The following RAB7A variants were observed in gnomAD, a reference collection of about 807,000 sequenced individuals.
The protein encoded by RAB7A is ras-related protein Rab-7a.
RAB7A carries 2 observed loss-of-function variants against 24.5 expected under a neutral mutation model. The observed-to-expected ratio is 0.08, with a 90% CI of 0.03 to 0.26. The LOEUF (loss-of-function observed/expected upper bound fraction) is 0.26. RAB7A is among the 10% of genes least tolerant of loss of function. The pLI is 1.00. For synonymous variants in RAB7A, 100 were observed against 95.9 expected (o/e 1.04, Z -0.25); for missense variants, 118 against 255.7 (o/e 0.46, Z 3.67).
chr3:128,805,292 A>C (rs1373102542), intron 3 of RAB7A, among the ~76,000 whole-genome samples: 1 of 152,194 alleles, frequency 6.6e-6, no homozygotes, highest in African/African-American at 2.4e-5. Context: ...GTATCTGGGC[A>C]AGGGAGCATT....
chr3:128,806,016 C>G (rs1933795198), intron 3 of RAB7A, among the ~76,000 whole-genome samples: 1 of 152,136 alleles, frequency 6.6e-6, no homozygotes, highest in Non-Finnish European at 1.5e-5. Flanking sequence ...ACCTCACTTC[C>G]CTATATTTCC....
At chr3:128,796,879 G>A (rs1933588483) in intron 2 of RAB7A, among the ~76,000 whole-genome samples, 1 of 152,056 alleles carries the variant, frequency 6.6e-6, no homozygotes, top group African/African-American at 2.4e-5. Context: ...GCCCAGGCTG[G>A]TCTCAAACTC....
intron 1 of RAB7A, among the ~76,000 whole-genome samples, chr3:128,737,569 C>G (rs534032690): frequency 3.3e-5 from 5 of 151,410 alleles, no homozygotes; most frequent in Admixed American, 3.3e-4. Flanking sequence ...TGGTCTCGAA[C>G]TCCTGAGCTC....
intron 3 of RAB7A, 122 bp from the exon 4 acceptor site, chr3:128,806,248 TGG>T (rs1933799723): frequency 1.3e-6 from 1 of 764,244 alleles, no homozygotes; most frequent in South Asian, 1.8e-5. Flanking sequence ...TCCTGAAGTC[TGG>T]TGTCATTTGT....
chr3:128,788,599 A>G (rs1350493591), intron 1 of RAB7A, among the ~76,000 whole-genome samples: 1 of 152,162 alleles, frequency 6.6e-6, no homozygotes, highest in African/African-American at 2.4e-5. Flanking sequence ...GGGTACTACT[A>G]TACTTTGCTT....
At chr3:128,765,139 G>A (rs1319917751) in intron 1 of RAB7A, 2 of 705,306 alleles carry the variant, frequency 2.8e-6, no homozygotes, top group East Asian at 2.7e-5. Flanking sequence ...GCGGCCGGCC[G>A]GGGTGGGGGA....
chr3:128,751,733 G>T (rs1443113967), intron 1 of RAB7A, among the ~76,000 whole-genome samples: 1 of 152,184 alleles, frequency 6.6e-6, no homozygotes, highest in Non-Finnish European at 1.5e-5. Flanking sequence ...GTTTTGAAAT[G>T]TGAGGACATT....
intron 1 of RAB7A, among the ~76,000 whole-genome samples, chr3:128,780,430 G>A (rs763979348): frequency 6.6e-6 from 1 of 152,168 alleles, no homozygotes; most frequent in Non-Finnish European, 1.5e-5. Context: ...GTTGAATATA[G>A]CCACTGAGGT....
chr3:128,756,294 G>A (rs779091790), intron 1 of RAB7A, among the ~76,000 whole-genome samples: 5 of 151,908 alleles, frequency 3.3e-5, no homozygotes, highest in Non-Finnish European at 5.9e-5. Flanking sequence ...CCCAGGAGGC[G>A]GAGGTTGCAG....
At chr3:128,795,844 C>T (rs950485769) in intron 2 of RAB7A, among the ~76,000 whole-genome samples, 2 of 146,276 alleles carry the variant, frequency 1.4e-5, no homozygotes, top group Non-Finnish European at 3.0e-5. Flanking sequence ...CTCCGCCTCC[C>T]GGATTCACGC....
rs1477206488 is a variant in RAB7A, at chr3:128,759,026, T to TA, written c.-9+32668dup. On this transcript the variant is annotated intron_variant, in intron 1 of 5. Coordinates refer to ENST00000265062, the MANE Select transcript of RAB7A (RefSeq NM_004637.6). The stretch of plus-strand genomic sequence containing the variant: ...TTTTTAAGTTCAGTGATCTTCAACT[T>TA]ACAGCCCCTGTGTTTTACAAATGAG... 7.4e-5 allele frequency among the ~76,000 whole-genome samples: 11 copies of TA among 148,756 alleles called. No homozygotes were observed. In the East Asian group the frequency reaches 2.1e-3, roughly 29 times the overall value.
intron 1 of RAB7A, among the ~76,000 whole-genome samples, chr3:128,774,932 C>G (rs1046910886): frequency 7.2e-5 from 11 of 152,062 alleles, no homozygotes; most frequent in African/African-American, 2.7e-4. Flanking sequence ...AGGTGTGAGT[C>G]ACTACACCTG....
At position 128,739,319 on chromosome 3, in the gene RAB7A, C is replaced by T. The variant is rs905707371; in HGVS notation, c.-9+12960C>T. Among the ~76,000 whole-genome samples, 3 of 152,168 alleles carry T rather than the reference C, an allele frequency of 2.0e-5. No homozygotes were observed. In the East Asian group the frequency reaches 5.8e-4, roughly 29 times the overall value. ...GAGGTCAGGAGTTCAAGACCACCAG[C>T]CTGACTAACATGGTGAAACCCCGTC... On this transcript the variant is annotated intron_variant, in intron 1 of 5. Transcript: ENST00000265062.
rs571055428 is a variant in RAB7A, at chr3:128,735,486, C to G, written c.-9+9127C>G. Among the ~76,000 whole-genome samples the G allele has an allele frequency of 1.8e-4, 28 of 152,280 alleles. 1 individual carries two copies. In the East Asian group the frequency reaches 5.2e-3, roughly 28 times the overall value. ...CTCACAATTAAGTCAGATAGTACCC[C>G]AGTTATGGGTGAGGAATGGCTTTGA... On this transcript the variant is annotated intron_variant, in intron 1 of 5. Coordinates refer to ENST00000265062, the MANE Select transcript of RAB7A (RefSeq NM_004637.6).
At chr3:128,779,053 G>A (rs961794613) in intron 1 of RAB7A, among the ~76,000 whole-genome samples, 1 of 152,186 alleles carries the variant, frequency 6.6e-6, no homozygotes, top group African/African-American at 2.4e-5. Flanking sequence ...CAGAAACCAG[G>A]TGATGTTTCA....
chr3:128,777,034 G>T (rs1307648144), intron 1 of RAB7A, among the ~76,000 whole-genome samples: 1 of 151,382 alleles, frequency 6.6e-6, no homozygotes, highest in African/African-American at 2.4e-5. Context: ...GTCTTTTTAG[G>T]TCCTTTGCCC....
intron 1 of RAB7A, among the ~76,000 whole-genome samples, chr3:128,754,399 A>G (rs1352983994): frequency 3.9e-5 from 6 of 152,208 alleles, no homozygotes; most frequent in Non-Finnish European, 7.3e-5. Context: ...GGTAACCAAA[A>G]AGAAAATAAC....
chr3:128,774,436 C>G (rs1933031615), intron 1 of RAB7A, among the ~76,000 whole-genome samples: 1 of 151,212 alleles, frequency 6.6e-6, no homozygotes, highest in Admixed American at 6.6e-5. Flanking sequence ...GTTGGATCAT[C>G]TTTTGAACTG....
chr3:128,783,214 G>GC (rs1298666865), intron 1 of RAB7A, among the ~76,000 whole-genome samples: 1 of 27,464 alleles, frequency 3.6e-5, no homozygotes, highest in Non-Finnish European at 7.3e-5. Context: ...CCGCCCCCCC[G>GC]CCCCCCACAA....
Sources: allele counts gnomAD v4.1 joint callset (sites outside exome capture counted in the v4.1 genomes callset), GRCh38; gene constraint gnomAD v4.1.1; transcripts MANE v1.5; gene names NCBI Gene and HGNC (gene_info 2026-07-23, HGNC 2026-07-21).